The following TOR1AIP1 variants were observed in gnomAD, a reference collection of about 807,000 sequenced individuals.
The protein encoded by TOR1AIP1 is torsin-1A-interacting protein 1.
TOR1AIP1 carries 54 observed loss-of-function variants against 63.3 expected under a neutral mutation model. That is an observed-to-expected ratio of 0.85 (90% CI 0.69 to 1.07). The LOEUF (loss-of-function observed/expected upper bound fraction) is 1.07, where lower values mean the gene tolerates loss of function less well. Among genes scored for constraint, TOR1AIP1 ranks in the 50% least tolerant of loss-of-function variants. The probability of loss-of-function intolerance (pLI) is 0.00; values close to 1 mark genes in which losing one functional copy is unlikely to be tolerated. For missense variants in TOR1AIP1, 736 were observed against 715.0 expected (o/e 1.03, Z -0.33); for synonymous variants, 294 against 273.5 (o/e 1.07, Z -0.74).
At position 179,901,318 on chromosome 1, in the gene TOR1AIP1, T is replaced by A; in HGVS notation, c.669T>A (p.Asp223Glu). The change falls in exon 5 of 10, where the codon GAT becomes GAA. Residue 223 changes from aspartate to glutamate, a missense_variant. Physicochemically the swap from Asp to Glu is conservative, Grantham distance 45. Transcript: ENST00000606911. The stretch of plus-strand genomic sequence containing the variant: ...TCTCTTTAGGAGAAACTGAAGAAGA[T>A]GATCAAGACAGCTCTCACAGCAGTG... Reference protein sequence around the residue: ...NFSEEGETEEDDQDSSHSSVT... With the variant: ...NFSEEGETEEEDQDSSHSSVT... The A allele has an allele frequency of 6.2e-7, 1 of 1,610,670 alleles. No homozygotes were observed. The highest frequency in any genetic ancestry group is 1.1e-5 in the South Asian group (1 of 90,502).
rs538260782 is a variant in TOR1AIP1 at position 179,902,160 on chromosome 1, G to A, written c.739+772G>A. On this transcript the variant is annotated intron_variant, in intron 5 of 9. Coordinates refer to ENST00000606911, the MANE Select transcript of TOR1AIP1 (RefSeq NM_015602.4). ...CCTGCCTCAGCCCCCCAAGCAGGTG[G>A]GATTACAGGTGCGCACCACCACATC... is the stretch of plus-strand genomic sequence containing the variant. 3.3e-4 allele frequency among the ~76,000 whole-genome samples: 49 copies of A among 148,564 alleles called. No individual in the cohort carries two copies. In the South Asian group the frequency reaches 0.011, roughly 32 times the overall value.
At chr1:179,902,322 G>A (rs570823468) in intron 5 of TOR1AIP1, among the ~76,000 whole-genome samples, 5 of 152,060 alleles carry the variant, frequency 3.3e-5, no homozygotes, top group Non-Finnish European at 7.4e-5. Flanking sequence ...CACGACGCCT[G>A]ACCTGTAATT....
chr1:179,892,880 A>AT lies in TOR1AIP1; in HGVS notation c.610+3518dup, dbSNP rs202046012. ...AAATTATGTCATATTATTTAAATTCATTTTTTTGTGTGATTGTAAATTTAA... is the reference window on the plus strand; with the variant it reads ...AAATTATGTCATATTATTTAAATTCATTTTTTTTGTGTGATTGTAAATTTAA... On this transcript the variant is annotated intron_variant, in intron 3 of 9. Coordinates refer to ENST00000606911, the MANE Select transcript of TOR1AIP1 (RefSeq NM_015602.4). Among the ~76,000 whole-genome samples, 11 of 152,180 alleles carry AT rather than the reference A, an allele frequency of 7.2e-5. 1 individual carries two copies. Among genetic ancestry groups the AT allele is most frequent in the Non-Finnish European group, 8.8e-5 (6 of 68,002 alleles).
At chr1:179,913,505 AT>A in intron 8 of TOR1AIP1, 1 of 691,518 alleles carries the variant, frequency 1.4e-6, no homozygotes, top group African/African-American at 1.8e-5. Context: ...GAGGATTAAG[AT>A]TTTTATATTA....
At chr1:179,903,441 A>G (rs1164360045) in intron 5 of TOR1AIP1, among the ~76,000 whole-genome samples, 1 of 152,136 alleles carries the variant, frequency 6.6e-6, no homozygotes, top group Non-Finnish European at 1.5e-5. Flanking sequence ...GTTCTGTATC[A>G]TAACAATTTT....
intron 3 of TOR1AIP1, among the ~76,000 whole-genome samples, chr1:179,892,421 C>T (rs759384184): frequency 1.3e-5 from 2 of 151,876 alleles, no homozygotes; most frequent in African/African-American, 2.4e-5. Context: ...TGCAGTGAGC[C>T]GCAATCACGC....
intron 8 of TOR1AIP1, among the ~76,000 whole-genome samples, chr1:179,910,853 G>A (rs948174845): frequency 1.3e-5 from 2 of 152,164 alleles, no homozygotes; most frequent in Non-Finnish European, 2.9e-5. Flanking sequence ...ATACTTATCA[G>A]AAAATCTTTG....
At chr1:179,909,753 GTGTTT>G (rs952332579) in intron 8 of TOR1AIP1, among the ~76,000 whole-genome samples, 15 of 151,412 alleles carry the variant, frequency 9.9e-5, no homozygotes, top group African/African-American at 3.4e-4. Context: ...GTTTTTGGGG[GTGTTT>G]TGTTTTGTTT....
intron 3 of TOR1AIP1, among the ~76,000 whole-genome samples, chr1:179,894,720 CTG>C (rs1269559198): frequency 6.6e-6 from 1 of 152,134 alleles, no homozygotes; most frequent in East Asian, 1.9e-4. Flanking sequence ...GCAATGACTC[CTG>C]TGTTCTATCC....
Position 179,900,761 on chromosome 1 carries a change from G to A in TOR1AIP1, c.653-541G>A, listed in dbSNP as rs530829178. Among the ~76,000 whole-genome samples, 3 of 152,182 alleles carry A rather than the reference G, an allele frequency of 2.0e-5. No individual in the cohort carries two copies. In the East Asian group the frequency reaches 5.8e-4, roughly 29 times the overall value. The stretch of plus-strand genomic sequence containing the variant: ...AGCAAAGATAATATTTTCTATTATG[G>A]TATTAAAGTAATCAGTTTTCCAAAT... On this transcript the variant is annotated intron_variant, in intron 4 of 9. Transcript: ENST00000606911.
Position 179,882,855 on chromosome 1 carries a change from A to T in TOR1AIP1, c.353A>T (p.Glu118Val). 6.2e-7 allele frequency: 1 copy of T among 1,614,228 alleles called. No individual in the cohort carries two copies. The highest frequency in any genetic ancestry group is 1.3e-5 in the African/African-American group (1 of 75,076). Residue 118 changes from glutamate (E) to valine (V), a missense_variant, in exon 1 of 10, where the codon GAA (glutamate) becomes GTA (valine). Physicochemically the swap from Glu to Val is moderately radical, Grantham distance 121. Transcript: ENST00000606911. ...CAGCGGAGGCAGCCGCGACCCCAGG[A>T]AACCGAGGAAATGAAGACGCGAAGG... ...SRQRRQPRPQ[E>V]TEEMKTRRTT...
Position 179,917,785 on chromosome 1 carries a change from A to T in TOR1AIP1, c.1298A>T (p.Tyr433Phe). The change falls in exon 10 of 10, where the codon TAT becomes TTT. Residue 433 changes from tyrosine to phenylalanine, a missense_variant. Transcript: ENST00000606911. ...RCLSEQIADA[Y>F]SSFRSVRAIR... is the part of the protein sequence containing the mutation. Reference sequence around the variant, plus strand: ...CTGAGTGAACAAATTGCTGATGCCTATTCTTCTTTTCGTAGTGTCCGTGCC... The same window carrying T: ...CTGAGTGAACAAATTGCTGATGCCTTTTCTTCTTTTCGTAGTGTCCGTGCC... 1 of 1,614,222 alleles carries T rather than the reference A, an allele frequency of 6.2e-7. No homozygotes were observed. Among genetic ancestry groups the T allele is most frequent in the East Asian group, 2.2e-5 (1 of 44,892 alleles).
At position 179,882,566 on chromosome 1, in the gene TOR1AIP1, A is replaced by T; in HGVS notation, c.64A>T (p.Arg22Trp). ...REGWGVYVTP[R>W]APIREGRGRL... Reference sequence around the variant, plus strand: ...AGGATGGGGTGTGTACGTCACCCCCAGGGCCCCCATCCGAGAGGGAAGGGG... The same window carrying T: ...AGGATGGGGTGTGTACGTCACCCCCTGGGCCCCCATCCGAGAGGGAAGGGG... Residue 22 changes from arginine (R) to tryptophan (W), a missense_variant, in exon 1 of 10, where the codon AGG becomes TGG. By Grantham distance (101) the Arg-to-Trp change is moderately radical (BLOSUM62 -3). Around this residue, in one of 2 missense-constraint regions of TOR1AIP1, gnomAD observed 464 missense variants for 371.0 expected, o/e 1.25. Transcript: ENST00000606911. 1.3e-6 allele frequency: 2 copies of T among 1,513,348 alleles called. No individual in the cohort carries two copies. The highest frequency in any genetic ancestry group is 1.4e-5 in the African/African-American group (1 of 71,586). 93.7% of individuals were successfully genotyped at this position (1,513,348 alleles called of 1,614,324 possible).
intron 4 of TOR1AIP1, 155 bp downstream of exon 4, chr1:179,900,322 C>A: frequency 2.0e-6 from 1 of 498,800 alleles, no homozygotes; most frequent in East Asian, 3.7e-5. Context: ...GCAGGAAGAT[C>A]ACTTAAGTCC....
chr1:179,885,812 C>T (rs1571721405), intron 2 of TOR1AIP1, among the ~76,000 whole-genome samples: 1 of 152,156 alleles, frequency 6.6e-6, no homozygotes, highest in African/African-American at 2.4e-5. Context: ...GCCATCTCCA[C>T]TCACTGCAAC....
At chr1:179,904,109 G>A (rs907057615) in intron 6 of TOR1AIP1, 87 bp downstream of exon 6, 20 of 997,324 alleles carry the variant, frequency 2.0e-5, no homozygotes, top group East Asian at 1.8e-4. Context: ...GAAATTTAAC[G>A]TAAATATTGA....
In TOR1AIP1 at chr1:179,908,633, A is replaced by G; in HGVS notation, c.867A>G (p.Glu289=). Residue 289 remains glutamate (E), a synonymous_variant, in exon 8 of 10, where the codon GAA becomes GAG. Transcript: ENST00000606911. ...LSSGYQKTPQ[E]WAPQTARIRT... is the part of the protein sequence containing the mutation. The stretch of plus-strand genomic sequence containing the variant: ...CAGGATATCAAAAAACTCCCCAGGA[A>G]TGGGCCCCACAAACTGCAAGAATAA... 6.2e-7 allele frequency: 1 copy of G among 1,612,918 alleles called. No individual in the cohort carries two copies. The highest frequency in any genetic ancestry group is 8.5e-7 in the Non-Finnish European group (1 of 1,179,090).
At chr1:179,913,969 T>TAGTCTTATTTTATTACTCTCA (rs1648913813) in intron 8 of TOR1AIP1, 29 bp from the exon 9 acceptor site, 1 of 1,591,734 alleles carries the variant, frequency 6.3e-7, no homozygotes. Context: ...CATAAGTTGA[T>TAGTCTTATTTTATTACTCTCA]AGTCTTATTT....
rs1382589420 is a variant in TOR1AIP1 at position 179,894,583 on chromosome 1, G to A, written c.610+5214G>A. Among the ~76,000 whole-genome samples, 6 of 152,128 alleles carry A rather than the reference G, an allele frequency of 3.9e-5. No individual in the cohort carries two copies. In the East Asian group the frequency reaches 9.6e-4, roughly 24 times the overall value. On this transcript the variant is annotated intron_variant, in intron 3 of 9. Coordinates refer to ENST00000606911, the MANE Select transcript of TOR1AIP1 (RefSeq NM_015602.4). Reference sequence around the variant, plus strand: ...GGCACCTGTAATCCCAGCCACTTGGGAGGCAGGCAGGAGAATCGCTTGAAC... The same window carrying A: ...GGCACCTGTAATCCCAGCCACTTGGAAGGCAGGCAGGAGAATCGCTTGAAC...
Sources: allele counts gnomAD v4.1 joint callset (sites outside exome capture counted in the v4.1 genomes callset), GRCh38; gene constraint gnomAD v4.1.1; regional missense constraint gnomAD v4.1.1; transcripts MANE v1.5; gene names NCBI Gene and HGNC (gene_info 2026-07-23, HGNC 2026-07-21).